Variants in RARB observed in about 807,000 individuals in gnomAD.
The protein encoded by RARB is HBV-activated protein.
Under a neutral mutation model 51.9 loss-of-function variants are expected in RARB, and 17 were observed. That is an observed-to-expected ratio of 0.33 (90% CI 0.22 to 0.49). The LOEUF is 0.49. RARB is among the 20% of genes least tolerant of loss of function. The probability of loss-of-function intolerance (pLI) is 0.99; values close to 1 mark genes in which losing one functional copy is unlikely to be tolerated. For missense variants in RARB, 369 were observed against 550.8 expected (o/e 0.67, Z 3.30); for synonymous variants, 215 against 195.4 (o/e 1.10, Z -0.84).
chr3:24,855,279 AG>A (rs1402766026), intron 1 of RARB, among the ~76,000 whole-genome samples: 2 of 152,220 alleles, frequency 1.3e-5, no homozygotes, highest in African/African-American at 4.8e-5. Context: ...CTTTGGACAT[AG>A]AAAAGGAAAA....
chr3:24,925,179 A>T (rs1193340808), intron 2 of RARB, among the ~76,000 whole-genome samples: 1 of 152,142 alleles, frequency 6.6e-6, no homozygotes, highest in Non-Finnish European at 1.5e-5. Context: ...TTCTCAAGGT[A>T]CTCAAATATT....
intron 5 of RARB, among the ~76,000 whole-genome samples, chr3:25,187,581 C>A (rs1362780653): frequency 1.3e-5 from 2 of 151,510 alleles, no homozygotes; most frequent in Non-Finnish European, 2.9e-5. Flanking sequence ...AGGCAAATGG[C>A]TAATAAAAAT....
chr3:25,533,260 T>C (rs567175065), intron 3 of RARB, among the ~76,000 whole-genome samples: 1 of 152,300 alleles, frequency 6.6e-6, no homozygotes, highest in South Asian at 2.1e-4. Flanking sequence ...TAAGGTATAA[T>C]AAGTTCTGTA....
intron 2 of RARB, among the ~76,000 whole-genome samples, chr3:24,982,446 T>G (rs569920532): frequency 2.6e-5 from 4 of 152,330 alleles, no homozygotes; most frequent in Admixed American, 2.0e-4. Context: ...TTTTGCCTTT[T>G]GTCCTGTGCT....
chr3:24,918,155 C>CATTTTTT (rs1297131340), intron 2 of RARB, among the ~76,000 whole-genome samples: 5 of 151,644 alleles, frequency 3.3e-5, no homozygotes, highest in African/African-American at 1.2e-4. Flanking sequence ...TCCAAATGTT[C>CATTTTTT]ATCAACTGGT....
chr3:25,115,069 G>T (rs1699663953), intron 3 of RARB, among the ~76,000 whole-genome samples: 1 of 151,944 alleles, frequency 6.6e-6, no homozygotes, highest in African/African-American at 2.4e-5. Context: ...TTCCTTTTCT[G>T]TACAACTTCC....
chr3:25,349,359 T>C (rs1705490302), intron 5 of RARB, among the ~76,000 whole-genome samples: 1 of 152,232 alleles, frequency 6.6e-6, no homozygotes, highest in African/African-American at 2.4e-5. Context: ...ATGTGGCTGC[T>C]GTATGAGGTT....
At chr3:25,079,882 T>C (rs898147224) in intron 3 of RARB, among the ~76,000 whole-genome samples, 1 of 152,196 alleles carries the variant, frequency 6.6e-6, no homozygotes, top group Non-Finnish European at 1.5e-5. Context: ...CCTGGCTGTA[T>C]GTAATGAGTT....
intron 4 of RARB, among the ~76,000 whole-genome samples, chr3:25,163,654 T>C (rs987328397): frequency 6.6e-6 from 1 of 151,870 alleles, no homozygotes; most frequent in African/African-American, 2.4e-5. Flanking sequence ...TGGCCCTTGG[T>C]GGTCAATAAA....
chr3:25,378,689 G>A (rs949763917), intron 5 of RARB, among the ~76,000 whole-genome samples: 1 of 152,166 alleles, frequency 6.6e-6, no homozygotes, highest in Non-Finnish European at 1.5e-5. Context: ...GTCTCCAAAT[G>A]TTTTAAGGGC....
chr3:24,951,078 A>C (rs951907042), intron 2 of RARB, among the ~76,000 whole-genome samples: 1 of 152,140 alleles, frequency 6.6e-6, no homozygotes. Flanking sequence ...TCTGGAGAAA[A>C]TGCTTTGAAA....
chr3:24,902,199 T>C (rs911718049), intron 2 of RARB, among the ~76,000 whole-genome samples: 1 of 152,212 alleles, frequency 6.6e-6, no homozygotes, highest in African/African-American at 2.4e-5. Flanking sequence ...GATCTAGAAT[T>C]TGACCACAGA....
intron 2 of RARB, among the ~76,000 whole-genome samples, chr3:24,886,698 A>T (rs775602983): frequency 1.1e-4 from 16 of 152,086 alleles, no homozygotes; most frequent in Non-Finnish European, 2.1e-4. Context: ...TGCCTCCCAA[A>T]GTGCTGGGAT....
upstream of RARB, among the ~76,000 whole-genome samples, chr3:25,426,852 A>G (rs1387982149): frequency 6.6e-6 from 1 of 152,188 alleles, no homozygotes; most frequent in Non-Finnish European, 1.5e-5. Flanking sequence ...TTATTTGTAA[A>G]TACTGCATCT....
Position 25,596,543 on chromosome 3 carries a change from C to A in RARB, c.1274C>A (p.Ala425Glu). The change falls in exon 8 of 8, where the codon GCA becomes GAA. Residue 425 changes from alanine to glutamate, a missense_variant. This residue lies in a region of RARB where 54 missense variants were observed against 43.4 expected (regional missense o/e 1.24). Coordinates refer to ENST00000330688, the MANE Select transcript of RARB (RefSeq NM_000965.5). The stretch of plus-strand genomic sequence containing the variant: ...ACCCCAAGTTCAAGTGGGAACACAG[C>A]AGAGCACAGTCCTAGCATCTCACCC... Reference protein sequence around the residue: ...PLTPSSSGNTAEHSPSISPSS... With the variant: ...PLTPSSSGNTEEHSPSISPSS... 6.2e-7 allele frequency: 1 copy of A among 1,613,816 alleles called. No individual in the cohort carries two copies. Among genetic ancestry groups the A allele is most frequent in the Non-Finnish European group, 8.5e-7 (1 of 1,179,730 alleles).
chr3:25,110,723 A>G (rs142538826), intron 3 of RARB, among the ~76,000 whole-genome samples: 3 of 152,322 alleles, frequency 2.0e-5, no homozygotes, highest in Non-Finnish European at 1.5e-5. Context: ...AATCTCAGGA[A>G]GAAGGAGTAT....
At chr3:24,956,245 G>A (rs1270872699) in intron 2 of RARB, among the ~76,000 whole-genome samples, 2 of 152,212 alleles carry the variant, frequency 1.3e-5, no homozygotes, top group African/African-American at 4.8e-5. Context: ...GAGAGAAGGG[G>A]ACAATGAAGA....
At chr3:24,988,283 G>A (rs1220274347) in intron 2 of RARB, among the ~76,000 whole-genome samples, 3 of 152,154 alleles carry the variant, frequency 2.0e-5, no homozygotes, top group South Asian at 4.1e-4. Context: ...GAGCTTAGGG[G>A]TTGTGAGTAG....
chr3:25,496,248 G>A (rs572597427), intron 2 of RARB, among the ~76,000 whole-genome samples: 3 of 152,350 alleles, frequency 2.0e-5, no homozygotes, highest in Non-Finnish European at 2.9e-5. Context: ...GAGCTATTCA[G>A]CTGGTGTGTC....
Sources: gnomAD v4.1 joint callset for allele counts (sites outside exome capture counted in the v4.1 genomes callset) on GRCh38, gnomAD v4.1.1 for gene constraint, gnomAD v4.1.1 regional missense constraint, MANE v1.5 for transcripts, NCBI Gene and HGNC (gene_info 2026-07-23, HGNC 2026-07-21) for gene names.